The following ZNF438 variants were observed in gnomAD, a reference collection of about 807,000 sequenced individuals.
ZNF438 encodes the protein zinc finger protein 438.
A neutral mutation model predicts 38.0 loss-of-function variants in ZNF438; 25 were observed. That is an observed-to-expected ratio of 0.66 (90% CI 0.48 to 0.92). The LOEUF is 0.92. ZNF438 is among the 40% of genes least tolerant of loss of function. The pLI, the probability that ZNF438 is intolerant of heterozygous loss-of-function variation, is 0.00. For synonymous variants in ZNF438, 372 were observed against 364.1 expected (o/e 1.02, Z -0.25); for missense variants, 1,007 against 999.6 (o/e 1.01, Z -0.10).
At chr10:30,941,974 G>A (rs1335270104) in intron 1 of ZNF438, among the ~76,000 whole-genome samples, 1 of 152,198 alleles carries the variant, frequency 6.6e-6, no homozygotes, top group Non-Finnish European at 1.5e-5. Flanking sequence ...GCCCTACTCA[G>A]TATCATGGGG....
rs552403926 is a variant in ZNF438 at position 30,945,207 on chromosome 10, G to C, written c.-191-3556C>G. 7.9e-5 allele frequency among the ~76,000 whole-genome samples: 12 copies of C among 151,594 alleles called. No individual in the cohort carries two copies. The South Asian group carries it at 2.3e-3, about 29-fold the overall frequency. On this transcript the variant is annotated intron_variant, in intron 1 of 5. Transcript: ENST00000413025. ...GTATTTTAAGGCTCTGTTAGTATCA[G>C]GCTTACAGACATTTAAAATTATGTC... is the stretch of plus-strand genomic sequence containing the variant.
At chr10:30,929,181 G>A (rs1003522352) in intron 2 of ZNF438, among the ~76,000 whole-genome samples, 2 of 152,138 alleles carry the variant, frequency 1.3e-5, no homozygotes, top group Non-Finnish European at 2.9e-5. Flanking sequence ...TCACAAGGTC[G>A]GCAAATCAAG....
Position 30,935,900 on chromosome 10 carries a change from C to T in ZNF438, c.-115+5675G>A, listed in dbSNP as rs1455001167. Among the ~76,000 whole-genome samples the T allele has an allele frequency of 2.0e-5, 3 of 152,020 alleles. No individual in the cohort carries two copies. In the East Asian group the frequency reaches 5.8e-4, roughly 29 times the overall value. ...GCCCCATGATCCAATCACCTCCCAC[C>T]AGGTCTCTCCTTAGACATGTGGAAA... On this transcript the variant is annotated intron_variant, in intron 2 of 5. Coordinates refer to ENST00000413025, the Ensembl canonical transcript of ZNF438.
chr10:30,939,557 A>G (rs1215557409), intron 2 of ZNF438, among the ~76,000 whole-genome samples: 1 of 152,254 alleles, frequency 6.6e-6, no homozygotes. Context: ...CCCATTTACC[A>G]TCCTAATCAA....
chr10:30,905,273 C>A (rs1209654831), intron 3 of ZNF438, among the ~76,000 whole-genome samples: 2 of 152,210 alleles, frequency 1.3e-5, no homozygotes, highest in Non-Finnish European at 2.9e-5. Context: ...CAAATCCTCA[C>A]TAATACTTGT....
At chr10:30,928,548 CACA>C (rs979591319) in intron 2 of ZNF438, among the ~76,000 whole-genome samples, 6 of 149,740 alleles carry the variant, frequency 4.0e-5, no homozygotes, top group Non-Finnish European at 8.9e-5. Context: ...CACTTCAAAT[CACA>C]ACGTTTGGAC....
At chr10:30,957,350 T>C (rs1017598189) in intron 1 of ZNF438, among the ~76,000 whole-genome samples, 2 of 152,236 alleles carry the variant, frequency 1.3e-5, no homozygotes, top group African/African-American at 2.4e-5. Context: ...GATTGTCTCT[T>C]CACTCTGTTG....
intron 1 of ZNF438, among the ~76,000 whole-genome samples, chr10:31,004,379 G>C (rs1256295539): frequency 6.6e-6 from 1 of 152,204 alleles, no homozygotes; most frequent in Non-Finnish European, 1.5e-5. Context: ...ACAGAAGACA[G>C]AAAATGGTCA....
At chr10:30,920,294 G>A (rs2134904519) in intron 2 of ZNF438, 1 of 152,318 alleles carries the variant, frequency 6.6e-6, no homozygotes, top group Admixed American at 6.5e-5. Flanking sequence ...CTTATCCAAA[G>A]TGTCACAGCA....
At position 30,961,342 on chromosome 10, in the gene ZNF438, C is replaced by T. The variant is rs1194653453; in HGVS notation, c.-191-19691G>A. 5.5e-5 allele frequency among the ~76,000 whole-genome samples: 8 copies of T among 145,376 alleles called. 3 individuals are homozygous for T. Among genetic ancestry groups the T allele is most frequent in the Non-Finnish European group, 9.4e-5 (6 of 64,058 alleles). ...CTATGTTGCCCAGGCTGGAGAACAG[C>T]GGCTATTCACAGGCATGATCATAGC... is the stretch of plus-strand genomic sequence containing the variant. On this transcript the variant is annotated intron_variant, in intron 1 of 5. Coordinates refer to ENST00000413025, the Ensembl canonical transcript of ZNF438.
At chr10:30,910,740 T>C (rs965754018) in intron 2 of ZNF438, among the ~76,000 whole-genome samples, 1 of 149,442 alleles carries the variant, frequency 6.7e-6, no homozygotes, top group Non-Finnish European at 1.5e-5. Context: ...TCTTTTTACC[T>C]ATGGTAAAAA....
intron 3 of ZNF438, among the ~76,000 whole-genome samples, chr10:30,896,949 A>C (rs573251045): frequency 6.6e-6 from 1 of 152,366 alleles, no homozygotes; most frequent in African/African-American, 2.4e-5. Flanking sequence ...AGGGTGTTTT[A>C]TGTGGCAAGT....
At chr10:30,882,700 G>A (rs778767724) in intron 3 of ZNF438, among the ~76,000 whole-genome samples, 4 of 152,154 alleles carry the variant, frequency 2.6e-5, no homozygotes, top group Non-Finnish European at 4.4e-5. Context: ...AAGGTTGGGG[G>A]GACAGACTCT....
intron 1 of ZNF438, among the ~76,000 whole-genome samples, chr10:30,984,157 T>C (rs1388892300): frequency 6.6e-6 from 1 of 152,188 alleles, no homozygotes; most frequent in Non-Finnish European, 1.5e-5. Context: ...CAAATAAGCC[T>C]AAAATTCCCT....
chr10:30,866,824 A>T lies in ZNF438; in HGVS notation c.37+10174T>A, dbSNP rs566065172. 3.1e-4 allele frequency among the ~76,000 whole-genome samples: 40 copies of T among 127,112 alleles called. No individual in the cohort carries two copies. The East Asian group carries it at 7.8e-3, about 25-fold the overall frequency. The allele number at this position is 127,112 out of a possible 152,430, so 83.4% of individuals were successfully genotyped here. ...ACTCCAGCCTGAGCGACAGAGCGAG[A>T]CTCTGTCTCAAAAAAAAAAAACCAA... is the stretch of plus-strand genomic sequence containing the variant. On this transcript the variant is annotated intron_variant, in intron 4 of 5. Coordinates refer to ENST00000413025, the Ensembl canonical transcript of ZNF438.
intron 1 of ZNF438, among the ~76,000 whole-genome samples, chr10:30,949,267 G>T (rs1321910941): frequency 1.3e-5 from 2 of 151,760 alleles, no homozygotes; most frequent in Non-Finnish European, 2.9e-5. Flanking sequence ...ACATGGAAAG[G>T]AAAAACCGGT....
intron 4 of ZNF438, chr10:30,857,739 T>G: frequency 6.7e-7 from 1 of 1,483,244 alleles, no homozygotes; most frequent in Non-Finnish European, 9.1e-7. Context: ...ATGTGCAACG[T>G]GTGTCCTCCT....
chr10:30,930,755 C>T (rs192499066), intron 2 of ZNF438, among the ~76,000 whole-genome samples: 3 of 132,854 alleles, frequency 2.3e-5, no homozygotes, highest in East Asian at 2.3e-4. Context: ...CGTAGTAAGC[C>T]GAGATCATGC....
intron 5 of ZNF438, among the ~76,000 whole-genome samples, chr10:30,847,740 G>T (rs2032573962): frequency 6.6e-6 from 1 of 152,232 alleles, no homozygotes; most frequent in Non-Finnish European, 1.5e-5. Context: ...AGCTGCTTGT[G>T]ATGTGCCTGG....
Sources: gnomAD v4.1 joint callset for allele counts (sites outside exome capture counted in the v4.1 genomes callset) on GRCh38, gnomAD v4.1.1 for gene constraint, MANE v1.5 for transcripts, NCBI Gene and HGNC (gene_info 2026-07-23, HGNC 2026-07-21) for gene names.